Variants in LYRM4 observed in about 807,000 individuals in gnomAD.
The protein encoded by LYRM4 is LYR motif containing 4.
In LYRM4, 9 loss-of-function variants were observed where a neutral mutation model predicts 11.7. The ratio of observed to expected loss-of-function variants is 0.77; its 90% CI spans 0.46 to 1.34. The LOEUF (loss-of-function observed/expected upper bound fraction) is 1.34. LYRM4 is among the 40% of genes most tolerant of loss of function. The probability of loss-of-function intolerance (pLI) is 0.00; values close to 1 mark genes in which losing one functional copy is unlikely to be tolerated. For missense variants in LYRM4, 133 were observed against 112.5 expected (o/e 1.18, Z -0.82); for synonymous variants, 42 against 40.4 (o/e 1.04, Z -0.15).
the LYRM4 span, among the ~76,000 whole-genome samples, chr6:5,092,806 A>C: frequency 6.6e-6 from 1 of 152,220 alleles, no homozygotes; most frequent in Non-Finnish European, 1.5e-5. Flanking sequence ...GTGAAGCAGC[A>C]GTCGTGTTTA....
chr6:5,208,989 T>C (rs572687410), intron 2 of LYRM4, among the ~76,000 whole-genome samples: 2 of 152,342 alleles, frequency 1.3e-5, no homozygotes, highest in African/African-American at 4.8e-5. Flanking sequence ...GCAGTTCTGG[T>C]CATTGTATAT....
chr6:5,219,005 C>T (rs1762433262), intron 1 of LYRM4, among the ~76,000 whole-genome samples: 1 of 152,214 alleles, frequency 6.6e-6, no homozygotes, highest in African/African-American at 2.4e-5. Context: ...ATTTGTTCCA[C>T]AGGCAAAATT....
chr6:5,223,154 C>G (rs1178681530), intron 1 of LYRM4, among the ~76,000 whole-genome samples: 5 of 152,152 alleles, frequency 3.3e-5, no homozygotes, highest in African/African-American at 1.2e-4. Context: ...GAATTTTAAG[C>G]AGTTAATATC....
chr6:5,144,011 G>T, intron 2 of LYRM4: 1 of 1,117,432 alleles, frequency 8.9e-7, no homozygotes. Flanking sequence ...AATTCCCAAG[G>T]CTCAAAGAAG....
intron 2 of LYRM4, among the ~76,000 whole-genome samples, chr6:5,156,606 C>G (rs1758426251): frequency 6.6e-6 from 1 of 152,212 alleles, no homozygotes; most frequent in Non-Finnish European, 1.5e-5. Flanking sequence ...GGATGGGTGA[C>G]CTGCGGAGGC....
intron 1 of LYRM4, among the ~76,000 whole-genome samples, chr6:5,249,804 T>C (rs1271354387): frequency 2.6e-5 from 4 of 152,178 alleles, no homozygotes; most frequent in East Asian, 1.9e-4. Context: ...TACCAGTTGA[T>C]TGGGGAAATA....
the LYRM4 span, among the ~76,000 whole-genome samples, chr6:5,073,846 C>T: frequency 6.6e-6 from 1 of 152,134 alleles, no homozygotes; most frequent in Admixed American, 6.5e-5. Flanking sequence ...CTCTAGGCCC[C>T]GCCACACCCA....
chr6:5,045,768 A>AC, the LYRM4 span, among the ~76,000 whole-genome samples: 14 of 152,032 alleles, frequency 9.2e-5, no homozygotes, highest in Non-Finnish European at 1.5e-5. Flanking sequence ...TGATGGCAGG[A>AC]TTTTCCTGCC....
chr6:5,111,372 C>T (rs141410494), intron 2 of LYRM4, among the ~76,000 whole-genome samples: 39 of 152,316 alleles, frequency 2.6e-4, no homozygotes, highest in African/African-American at 8.7e-4. Context: ...TGTCCACAAT[C>T]GGACATTCAC....
chr6:5,132,281 A>G (rs6937982), intron 2 of LYRM4, among the ~76,000 whole-genome samples: 45,934 of 152,080 alleles, frequency 0.3, 7,335 homozygotes, highest in South Asian at 0.39. Context: ...CATAATATTC[A>G]TATTTCCTTA....
At chr6:5,157,232 T>G (rs774444345) in intron 2 of LYRM4, among the ~76,000 whole-genome samples, 23 of 152,224 alleles carry the variant, frequency 1.5e-4, no homozygotes, top group Non-Finnish European at 2.9e-5. Flanking sequence ...AATAACCTAG[T>G]GTGGCGAAAG....
At chr6:5,150,060 C>T (rs1758001797) in intron 2 of LYRM4, among the ~76,000 whole-genome samples, 1 of 152,236 alleles carries the variant, frequency 6.6e-6, no homozygotes, top group African/African-American at 2.4e-5. Flanking sequence ...TCCTCGCTGA[C>T]ATTCAGACAG....
intron 2 of LYRM4, among the ~76,000 whole-genome samples, chr6:5,179,567 C>G (rs1759953144): frequency 6.6e-6 from 1 of 152,202 alleles, no homozygotes; most frequent in African/African-American, 2.4e-5. Context: ...ATAATGTCCT[C>G]CAGATTCATC....
At chr6:5,066,770 A>C in the LYRM4 span, 5 of 739,770 alleles carry the variant, frequency 6.8e-6, no homozygotes, top group Non-Finnish European at 9.6e-6. Context: ...CGTAACGCTT[A>C]AAGTCTAAGA....
rs1299570603 is a variant in LYRM4 at position 5,108,797 on chromosome 6, T to G, written c.*626A>C. The G allele has an allele frequency of 2.0e-6, 2 of 985,968 alleles. No homozygotes were observed. The highest frequency in any genetic ancestry group is 3.5e-5 in the African/African-American group (2 of 57,244). 61.1% of individuals were successfully genotyped at this position (985,968 alleles called of 1,614,324 possible). A position where few individuals can be genotyped will look rare whatever the true frequency, so the allele number is the denominator to read the frequency against. On this transcript the variant is annotated 3_prime_UTR_variant, in exon 3 of 3. Coordinates refer to ENST00000330636, the MANE Select transcript of LYRM4 (RefSeq NM_020408.6). ...CCAGGTGGGGCTGAGGTTGCTGATC[T>G]GCAGTGCTCCATCTCTGGGTGTGTA...
the LYRM4 span, among the ~76,000 whole-genome samples, chr6:5,035,919 A>G: frequency 8.7e-3 from 1,300 of 149,620 alleles, 21 homozygotes; most frequent in African/African-American, 0.031. Context: ...CTACAGTATC[A>G]TGCCTATTTA....
downstream of LYRM4, chr6:5,106,631 C>G (rs1226002675): frequency 6.6e-6 from 1 of 152,438 alleles, no homozygotes; most frequent in Non-Finnish European, 1.5e-5. Context: ...AACAACACAG[C>G]CCTGTACTTG....
chr6:5,082,188 C>T, the LYRM4 span, among the ~76,000 whole-genome samples: 2 of 152,208 alleles, frequency 1.3e-5, no homozygotes, highest in Non-Finnish European at 2.9e-5. Context: ...GCAGCCTGGG[C>T]ACCCCGTTTG....
intron 1 of LYRM4, among the ~76,000 whole-genome samples, chr6:5,253,833 C>CAA (rs59576268): frequency 2.2e-5 from 3 of 137,770 alleles, no homozygotes; most frequent in Admixed American, 7.2e-5. Context: ...TCATGCTGAG[C>CAA]AAAAAAAAAA....
Sources: gnomAD v4.1 joint callset for allele counts (sites outside exome capture counted in the v4.1 genomes callset) on GRCh38, gnomAD v4.1.1 for gene constraint, MANE v1.5 for transcripts, NCBI Gene and HGNC (gene_info 2026-07-23, HGNC 2026-07-21) for gene names.